ARHGEF19: variants seen among roughly 807,000 people sequenced by gnomAD.
The protein encoded by ARHGEF19 is Rho guanine nucleotide exchange factor (GEF) 19.
In ARHGEF19, 92 loss-of-function variants were observed where a neutral mutation model predicts 87.6. The observed-to-expected ratio is 1.05, with a 90% CI of 0.89 to 1.25. ARHGEF19 has a LOEUF of 1.25. Among genes scored for constraint, ARHGEF19 ranks in the 50% most tolerant of loss-of-function variants. The pLI, the probability that ARHGEF19 is intolerant of heterozygous loss-of-function variation, is 0.00. For missense variants in ARHGEF19, 1,054 were observed against 1,051.8 expected (o/e 1.00, Z -0.03); for synonymous variants, 438 against 446.2 (o/e 0.98, Z 0.23).
chr1:16,202,426 C>T lies in ARHGEF19; in HGVS notation c.2056G>A (p.Ala686Thr). The T allele has an allele frequency of 2.5e-6, 4 of 1,613,016 alleles. No homozygotes were observed. Among genetic ancestry groups the T allele is most frequent in the Non-Finnish European group, 3.4e-6 (4 of 1,179,562 alleles). Residue 686 changes from alanine to threonine, a missense_variant, in exon 13 of 16, where the codon GCC becomes ACC. Transcript: ENST00000270747. Reference protein sequence around the residue: ...QHMKHQFLLRARTESEKQRWI... With the variant: ...QHMKHQFLLRTRTESEKQRWI... ...TCCAGGCCCACTCACTCCGTCCGGG[C>T]CCGCAGCAGGAACTGGTGCTTCATG...
chr1:16,199,612 T>A (rs531602578), intron 14 of ARHGEF19, among the ~76,000 whole-genome samples: 1 of 152,148 alleles, frequency 6.6e-6, no homozygotes, highest in African/African-American at 2.4e-5. Context: ...CAGAAAACAG[T>A]AACGGCCCTG....
In ARHGEF19 at chr1:16,207,215, G is replaced by A; in HGVS notation, c.875-5C>T. ...TGTATTCCTGATAGAGGACGGCTGG[G>A]GGAAAGACGGGCGGGGGAGAGCGTG... On this transcript the variant is annotated splice_polypyrimidine_tract_variant and splice_region_variant and intron_variant, in intron 5 of 15. Coordinates refer to ENST00000270747, the MANE Select transcript of ARHGEF19 (RefSeq NM_153213.5). This position sits in a 1 kb window ranked among gnomAD's most constrained non-coding sequence, Gnocchi z 4.0. 1.3e-6 allele frequency: 2 copies of A among 1,511,014 alleles called. No homozygotes were observed. The highest frequency in any genetic ancestry group is 1.8e-6 in the Non-Finnish European group (2 of 1,134,956). The allele number at this position is 1,511,014 out of a possible 1,614,324, so 93.6% of individuals were successfully genotyped here.
intron 2 of ARHGEF19, 98 bp downstream of exon 2, chr1:16,208,545 T>C (rs1473974286): frequency 7.0e-7 from 1 of 1,427,634 alleles, no homozygotes. Flanking sequence ...GTCCTGACTT[T>C]TGGGGGAACC....
rs1569701179 is a variant in ARHGEF19, at chr1:16,202,482, A to G, written c.2000T>C (p.Val667Ala). 6.2e-7 allele frequency: 1 copy of G among 1,614,186 alleles called. No homozygotes were observed. The highest frequency in any genetic ancestry group is 2.2e-5 in the East Asian group (1 of 44,890). Reference sequence around the variant, plus strand: ...CCCGTGGAGGAGCTGGAGGAGGAACACGTGGCCGGGGATGCCCTGCAGCTT... The same window carrying G: ...CCCGTGGAGGAGCTGGAGGAGGAACGCGTGGCCGGGGATGCCCTGCAGCTT... ...SLKLQGIPGHVFLLQLLHGQH... is the reference protein window; with the variant it reads ...SLKLQGIPGHAFLLQLLHGQH... Residue 667 changes from valine (V) to alanine (A), a missense_variant, in exon 13 of 16, where the codon GTG becomes GCG. Physicochemically the swap from Val to Ala is moderately conservative, Grantham distance 64 (BLOSUM62 0). Coordinates refer to ENST00000270747, the MANE Select transcript of ARHGEF19 (RefSeq NM_153213.5).
At position 16,206,910 on chromosome 1, in the gene ARHGEF19, G is replaced by T. The variant is rs2081142203; in HGVS notation, c.1137+38C>A. The T allele has an allele frequency of 7.1e-7, 1 of 1,417,648 alleles. No homozygotes were observed. Among genetic ancestry groups the T allele is most frequent in the East Asian group, 3.0e-5 (1 of 33,692 alleles). 87.8% of individuals were successfully genotyped at this position (1,417,648 alleles called of 1,614,324 possible). A position where few individuals can be genotyped will look rare whatever the true frequency, so the allele number is the denominator to read the frequency against. On this transcript the variant is annotated intron_variant, in intron 6 of 15. Coordinates refer to ENST00000270747, the MANE Select transcript of ARHGEF19 (RefSeq NM_153213.5). This position sits in a 1 kb window ranked among gnomAD's most constrained non-coding sequence, Gnocchi z 4.6. Reference sequence around the variant, plus strand: ...AAGTCCCCGGACCGCGTACTCCCCGGCCCGCCCCCGCCCCGCCGGGTCCCC... The same window carrying T: ...AAGTCCCCGGACCGCGTACTCCCCGTCCCGCCCCCGCCCCGCCGGGTCCCC...
intron 1 of ARHGEF19, among the ~76,000 whole-genome samples, chr1:16,211,364 C>T (rs2081195639): frequency 6.6e-6 from 1 of 152,212 alleles, no homozygotes; most frequent in Non-Finnish European, 1.5e-5. Context: ...GGCATGTACA[C>T]ATGCCCCCTG....
At chr1:16,204,516 C>T (rs1372329662) in intron 12 of ARHGEF19, among the ~76,000 whole-genome samples, 4 of 152,218 alleles carry the variant, frequency 2.6e-5, no homozygotes, top group Admixed American at 2.6e-4. Context: ...CTGGCTGAAG[C>T]TCACAGCATC....
At chr1:16,209,154 G>T in intron 1 of ARHGEF19, 71 bp from the exon 2 acceptor site, 1 of 1,236,352 alleles carries the variant, frequency 8.1e-7, no homozygotes, top group Non-Finnish European at 1.1e-6. Context: ...ACCCCTGGAG[G>T]CCTGGACAAA....
rs147840701 is a variant in ARHGEF19 at position 16,209,552 on chromosome 1, T to C, written c.-29-469A>G. The stretch of plus-strand genomic sequence containing the variant: ...TCCACACTACATTTTCTCCCAAGTA[T>C]AGAATGACATGTACACTTTCATAGA... On this transcript the variant is annotated intron_variant, in intron 1 of 15. Coordinates refer to ENST00000270747, the MANE Select transcript of ARHGEF19 (RefSeq NM_153213.5). 2.5e-4 allele frequency among the ~76,000 whole-genome samples: 38 copies of C among 152,350 alleles called. No individual in the cohort carries two copies. In the East Asian group the frequency reaches 6.6e-3, roughly 26 times the overall value.
intron 1 of ARHGEF19, among the ~76,000 whole-genome samples, chr1:16,209,661 C>A (rs11811482): frequency 0.013 from 1,913 of 152,312 alleles, 36 homozygotes; most frequent in African/African-American, 0.044. Flanking sequence ...CAACTCCTCA[C>A]AAACACGCTG....
In ARHGEF19 at chr1:16,206,454, G is replaced by GCC; in HGVS notation, c.1138-116_1138-115dup. 8.2e-7 allele frequency: 1 copy of GCC among 1,212,956 alleles called. No individual in the cohort carries two copies. Among genetic ancestry groups the GCC allele is most frequent in the Non-Finnish European group, 1.2e-6 (1 of 850,352 alleles). 75.1% of individuals were successfully genotyped at this position (1,212,956 alleles called of 1,614,324 possible). Reference sequence around the variant, plus strand: ...ACCTCGCGTCCTCGCCCCTTCTCTAGCCCCACTCCTAATCTGGCGCCGGGC... The same window carrying GCC: ...ACCTCGCGTCCTCGCCCCTTCTCTAGCCCCCCACTCCTAATCTGGCGCCGGGC... On this transcript the variant is annotated intron_variant, in intron 6 of 15. Transcript: ENST00000270747. This position sits in a 1 kb window ranked among gnomAD's most constrained non-coding sequence, Gnocchi z 4.6.
intron 1 of ARHGEF19, among the ~76,000 whole-genome samples, chr1:16,210,856 A>G (rs558906191): frequency 4.6e-5 from 7 of 152,166 alleles, no homozygotes; most frequent in Non-Finnish European, 1.0e-4. Flanking sequence ...CTGAACAGTG[A>G]CAGTGTCAGT....
At chr1:16,202,367 T>C (rs368980283) in intron 13 of ARHGEF19, 49 bp downstream of exon 13, 261 of 1,541,132 alleles carry the variant, frequency 1.7e-4, no homozygotes, top group African/African-American at 1.2e-3. Flanking sequence ...ACGGGGTGCC[T>C]GTCATGGGGA....
In ARHGEF19 at chr1:16,207,026, C is replaced by T; in HGVS notation, c.1059G>A (p.Ser353=). 6.6e-7 allele frequency: 1 copy of T among 1,516,328 alleles called. No homozygotes were observed. Among genetic ancestry groups the T allele is most frequent in the Non-Finnish European group, 8.8e-7 (1 of 1,134,702 alleles). 93.9% of individuals were successfully genotyped at this position (1,516,328 alleles called of 1,614,324 possible). ...GTACGTCGGGGATATCCTGCCACAG[C>T]GAGAAGGTGGAGCCTCGCGCCGAGC... ...AQRSARGSTF[S]LWQDIPDVRG... Residue 353 remains serine (S), a synonymous_variant, in exon 6 of 16, where the codon TCG becomes TCA. Transcript: ENST00000270747. This position sits in a 1 kb window ranked among gnomAD's most constrained non-coding sequence, Gnocchi z 4.0.
chr1:16,202,907 C>T (rs1178488801), intron 12 of ARHGEF19, among the ~76,000 whole-genome samples: 1 of 151,990 alleles, frequency 6.6e-6, no homozygotes, highest in African/African-American at 2.4e-5. Flanking sequence ...GACAGAGTCT[C>T]GCTCTGTCTC....
intron 1 of ARHGEF19, among the ~76,000 whole-genome samples, chr1:16,210,700 T>C (rs899443155): frequency 1.3e-5 from 2 of 152,096 alleles, no homozygotes; most frequent in Non-Finnish European, 2.9e-5. Context: ...ACAATCCAGG[T>C]TGGCAAGAGC....
Position 16,205,417 on chromosome 1 carries a change from C to T in ARHGEF19, c.1590G>A (p.Leu530=), listed in dbSNP as rs1186279797. 1 of 1,611,180 alleles carries T rather than the reference C, an allele frequency of 6.2e-7. No homozygotes were observed. The highest frequency in any genetic ancestry group is 8.5e-7 in the Non-Finnish European group (1 of 1,178,642). ...TRLKMLVENI[L]KRTAQGSEDE... is the part of the protein sequence containing the mutation. ...CTTCAGAGCCCTGTGCTGTCCGCTT[C>T]AGGATGTTCTGGAAGGTGGGATCAG... The change falls in exon 10 of 16, where the codon CTG becomes CTA. Residue 530 remains leucine (L), a synonymous_variant. Coordinates refer to ENST00000270747, the MANE Select transcript of ARHGEF19 (RefSeq NM_153213.5). The surrounding 1 kb of genome is among the most constrained non-coding windows in gnomAD (Gnocchi z 5.8).
chr1:16,201,497 C>A (rs956119428), intron 14 of ARHGEF19, among the ~76,000 whole-genome samples: 3 of 152,196 alleles, frequency 2.0e-5, no homozygotes, highest in Admixed American at 2.0e-4. Flanking sequence ...TGAACTTACA[C>A]AAGTCCATTT....
intron 14 of ARHGEF19, 115 bp downstream of exon 14, chr1:16,201,667 A>G (rs2081084390): frequency 1.2e-5 from 13 of 1,098,874 alleles, no homozygotes; most frequent in Non-Finnish European, 1.7e-5. Context: ...TGACTGCCCC[A>G]GAAGTTGGTC....
Sources: gnomAD v4.1 joint callset for allele counts (sites outside exome capture counted in the v4.1 genomes callset) on GRCh38, gnomAD v4.1.1 for gene constraint, Gnocchi (gnomAD v3.1) non-coding constraint, MANE v1.5 for transcripts, NCBI Gene and HGNC (gene_info 2026-07-23, HGNC 2026-07-21) for gene names.